EVI5L: variants seen among roughly 807,000 people sequenced by gnomAD.
The protein encoded by EVI5L is ecotropic viral integration site 5 like.
Under a neutral mutation model 106.1 loss-of-function variants are expected in EVI5L, and 30 were observed. That is an observed-to-expected ratio of 0.28 (90% CI 0.21 to 0.38). The LOEUF is 0.38. EVI5L is among the 10% of genes least tolerant of loss of function. The pLI, the probability that EVI5L is intolerant of heterozygous loss-of-function variation, is 1.00. For synonymous variants in EVI5L, 489 were observed against 483.3 expected (o/e 1.01, Z -0.15); for missense variants, 809 against 1,098.0 (o/e 0.74, Z 3.72).
rs1249288673 is a variant in EVI5L at position 7,849,042 on chromosome 19, G to T, written c.449G>T (p.Cys150Phe). The T allele has an allele frequency of 6.2e-7, 1 of 1,613,578 alleles. No homozygotes were observed. Residue 150 changes from cysteine to phenylalanine, a missense_variant, in exon 4 of 20, where the codon TGC becomes TTC. Physicochemically the swap from Cys to Phe is radical, Grantham distance 205. Coordinates refer to ENST00000538904, the MANE Select transcript of EVI5L (RefSeq NM_001159944.3). Reference protein sequence around the residue: ...YSELLKMSSPCEKLIRRDIAR... With the variant: ...YSELLKMSSPFEKLIRRDIAR... Reference sequence around the variant, plus strand: ...GAGCTGCTCAAGATGTCCTCGCCGTGCGAGAAGCTGATCCGCAGGGACATC... The same window carrying T: ...GAGCTGCTCAAGATGTCCTCGCCGTTCGAGAAGCTGATCCGCAGGGACATC...
rs760111037 is a variant in EVI5L at position 7,863,220 on chromosome 19, C to G, written c.2079C>G (p.His693Gln). 1.9e-6 allele frequency: 3 copies of G among 1,562,536 alleles called. No homozygotes were observed. In the African/African-American group the frequency reaches 4.0e-5, roughly 21 times the overall value. ...EEGRIQGQLN[H>Q]SDSSQYIREL... ...GCCGCATCCAGGGCCAGCTGAACCA[C>G]TCGGACTCATCGCAGTACATCCGCG... The change falls in exon 19 of 20, where the codon CAC becomes CAG. Residue 693 changes from histidine to glutamine, a missense_variant. Coordinates refer to ENST00000538904, the MANE Select transcript of EVI5L (RefSeq NM_001159944.3). The surrounding 1 kb of genome is among the most constrained non-coding windows in gnomAD (Gnocchi z 7.7).
rs1221764329 is a variant in EVI5L, at chr19:7,863,499, G to C, written c.2215G>C (p.Asp739His). 1.3e-6 allele frequency: 2 copies of C among 1,585,892 alleles called. No homozygotes were observed. Among genetic ancestry groups the C allele is most frequent in the East Asian group, 4.6e-5 (2 of 43,120 alleles). ...FDGLSLARHLDEDSLPSSDEE... is the reference protein window; with the variant it reads ...FDGLSLARHLHEDSLPSSDEE... ...TGGGCTGAGCCTGGCGCGGCACTTG[G>C]ACGAGGACTCGCTGCCGTCGTCGGA... Residue 739 changes from aspartate to histidine, a missense_variant, in exon 20 of 20, where the codon GAC becomes CAC. Asp to His is a moderately conservative substitution (Grantham distance 81). Around this residue, in one of 2 missense-constraint regions of EVI5L, gnomAD observed 452 missense variants for 509.9 expected, o/e 0.89. Transcript: ENST00000538904. The surrounding 1 kb of genome is among the most constrained non-coding windows in gnomAD (Gnocchi z 7.7).
At chr19:7,837,864 C>T (rs1978409709) in intron 1 of EVI5L, among the ~76,000 whole-genome samples, 2 of 151,882 alleles carry the variant, frequency 1.3e-5, no homozygotes, top group African/African-American at 2.4e-5. Flanking sequence ...CCACCACGCC[C>T]GGCTAATTTT....
rs1287939546 is a variant in EVI5L, at chr19:7,830,251, G to A, written c.-178G>A. On this transcript the variant is annotated 5_prime_UTR_variant, in exon 1 of 20. Transcript: ENST00000538904. ...GTGAAATGGCAGCGGCGGAGCCGGC[G>A]GCGGCCGCGGTCCCGGGGGGCGGCT... is the stretch of plus-strand genomic sequence containing the variant. 6.6e-6 allele frequency: 1 copy of A among 152,034 alleles called. No individual in the cohort carries two copies. The highest frequency in any genetic ancestry group is 1.5e-5 in the Non-Finnish European group (1 of 67,762). 9.4% of individuals were successfully genotyped at this position (152,034 alleles called of 1,614,324 possible).
rs1979209614 is a variant in EVI5L at position 7,850,804 on chromosome 19, C to T, written c.754-630C>T. Among the ~76,000 whole-genome samples the T allele has an allele frequency of 1.3e-5, 2 of 152,300 alleles. No individual in the cohort carries two copies. Among genetic ancestry groups the T allele is most frequent in the South Asian group, 2.1e-4 (1 of 4,832 alleles). On this transcript the variant is annotated intron_variant, in intron 6 of 19. Transcript: ENST00000538904. This position sits in a 1 kb window ranked among gnomAD's most constrained non-coding sequence, Gnocchi z 5.4. Reference sequence around the variant, plus strand: ...CACCACCCCACCTCAGGCTGGGTAGCAGAGCCCTCCCACAGCCAAGCTTGC... The same window carrying T: ...CACCACCCCACCTCAGGCTGGGTAGTAGAGCCCTCCCACAGCCAAGCTTGC...
intron 1 of EVI5L, among the ~76,000 whole-genome samples, chr19:7,842,492 G>A (rs1978668904): frequency 6.6e-6 from 1 of 151,434 alleles, no homozygotes; most frequent in Non-Finnish European, 1.5e-5. Context: ...GTGTGGGGAT[G>A]TGTGAAAGTG....
chr19:7,842,753 T>C (rs1978692698), intron 1 of EVI5L, among the ~76,000 whole-genome samples: 1 of 111,132 alleles, frequency 9.0e-6, no homozygotes, highest in Non-Finnish European at 1.9e-5. Flanking sequence ...GTGAAGGTAC[T>C]GGGTGTGTGT....
At chr19:7,853,430 C>T (rs1321436529) in intron 10 of EVI5L, 97 bp downstream of exon 10, 1 of 1,496,034 alleles carries the variant, frequency 6.7e-7, no homozygotes. Flanking sequence ...CGGGCCTTCC[C>T]AGCGCACAGG....
intron 8 of EVI5L, among the ~76,000 whole-genome samples, chr19:7,852,557 T>C (rs1979305955): frequency 4.6e-5 from 1 of 21,618 alleles, no homozygotes; most frequent in South Asian, 8.6e-3. Context: ...CTTTTACCTT[T>C]TTCTTTTTTT....
Position 7,835,735 on chromosome 19 carries a change from G to C in EVI5L, c.-48+5354G>C, listed in dbSNP as rs1599558722. Among the ~76,000 whole-genome samples, 1 of 152,142 alleles carries C rather than the reference G, an allele frequency of 6.6e-6. No homozygotes were observed. Among genetic ancestry groups the C allele is most frequent in the Non-Finnish European group, 1.5e-5 (1 of 68,022 alleles). ...AAGCCGCTGTTCTTGTTATCCAAGG[G>C]GCAGCTCACCTGTCAGTTGTCCGCC... On this transcript the variant is annotated intron_variant, in intron 1 of 19. Coordinates refer to ENST00000538904, the MANE Select transcript of EVI5L (RefSeq NM_001159944.3). The surrounding 1 kb of genome is among the most constrained non-coding windows in gnomAD (Gnocchi z 4.1).
intron 17 of EVI5L, 104 bp from the exon 18 acceptor site, chr19:7,862,868 C>G (rs1979907588): frequency 3.8e-6 from 3 of 785,066 alleles, no homozygotes; most frequent in Non-Finnish European, 5.8e-6. Flanking sequence ...GACCCGCCTC[C>G]GCCCGCGGCC....
intron 8 of EVI5L, among the ~76,000 whole-genome samples, chr19:7,852,320 C>T (rs1046606340): frequency 2.9e-4 from 44 of 152,344 alleles, no homozygotes; most frequent in African/African-American, 9.6e-4. Flanking sequence ...ACAAAGGCCA[C>T]GGTTGTGTCC....
chr19:7,852,216 C>T (rs1568240278), intron 8 of EVI5L, among the ~76,000 whole-genome samples: 2 of 152,228 alleles, frequency 1.3e-5, no homozygotes. Flanking sequence ...GGAGGCCCTG[C>T]TGCTGGCCAG....
Position 7,845,918 on chromosome 19 carries a change from G to A in EVI5L, c.-47-578G>A, listed in dbSNP as rs1978928538. 6.6e-6 allele frequency among the ~76,000 whole-genome samples: 1 copy of A among 152,236 alleles called. No individual in the cohort carries two copies. Among genetic ancestry groups the A allele is most frequent in the South Asian group, 2.1e-4 (1 of 4,834 alleles). On this transcript the variant is annotated intron_variant, in intron 1 of 19. Transcript: ENST00000538904. This position sits in a 1 kb window ranked among gnomAD's most constrained non-coding sequence, Gnocchi z 4.0. Reference sequence around the variant, plus strand: ...CCACGTCCCTGGCTTCTCAACCCAAGGGGAGTCGACTCTTCTGGCCATTGG... The same window carrying A: ...CCACGTCCCTGGCTTCTCAACCCAAAGGGAGTCGACTCTTCTGGCCATTGG...
chr19:7,855,697 C>A (rs72992199), intron 10 of EVI5L, among the ~76,000 whole-genome samples: 1 of 152,152 alleles, frequency 6.6e-6, no homozygotes, highest in Non-Finnish European at 1.5e-5. Flanking sequence ...GACTGACCCA[C>A]GTGTGGGAAG....
chr19:7,851,412 A>AC (rs1568239763), intron 6 of EVI5L, 22 bp from the exon 7 acceptor site: 1 of 1,602,962 alleles, frequency 6.2e-7, no homozygotes, highest in East Asian at 2.2e-5. Flanking sequence ...CACTGTGCCC[A>AC]CCCGGCCTCC....
At chr19:7,843,081 A>C (rs1276498359) in intron 1 of EVI5L, among the ~76,000 whole-genome samples, 1 of 140,266 alleles carries the variant, frequency 7.1e-6, no homozygotes, top group Admixed American at 7.1e-5. Context: ...GTGTGTGTAT[A>C]GGTGTGTGAG....
chr19:7,853,517 C>T (rs774998837), intron 10 of EVI5L, 184 bp downstream of exon 10: 56 of 760,662 alleles, frequency 7.4e-5, no homozygotes, highest in Non-Finnish European at 1.0e-4. Flanking sequence ...CTGTGAGCGC[C>T]TCCCCCGCCT....
chr19:7,851,876 G>A (rs536102780), intron 8 of EVI5L, 106 bp downstream of exon 8: 44 of 1,069,514 alleles, frequency 4.1e-5, no homozygotes, highest in South Asian at 1.9e-4. Flanking sequence ...AGGGTGGAAG[G>A]TGGTGTGCCT....
Sources: gnomAD v4.1 joint callset for allele counts (sites outside exome capture counted in the v4.1 genomes callset) on GRCh38, gnomAD v4.1.1 for gene constraint, gnomAD v4.1.1 regional missense constraint, Gnocchi (gnomAD v3.1) non-coding constraint, MANE v1.5 for transcripts, NCBI Gene and HGNC (gene_info 2026-07-23, HGNC 2026-07-21) for gene names.